The following SHISA9 variants were observed in gnomAD, a reference collection of about 807,000 sequenced individuals.
The protein encoded by SHISA9 is protein shisa-9.
Under a neutral mutation model 38.0 loss-of-function variants are expected in SHISA9, and 13 were observed. The ratio of observed to expected loss-of-function variants is 0.34; its 90% CI spans 0.22 to 0.54. The LOEUF (loss-of-function observed/expected upper bound fraction) is 0.54. Ranked by LOEUF, SHISA9 falls within the 20% of genes least tolerant of loss-of-function variation. The probability of loss-of-function intolerance (pLI) is 0.91; values close to 1 mark genes in which losing one functional copy is unlikely to be tolerated. For missense variants in SHISA9, 538 were observed against 575.8 expected (o/e 0.93, Z 0.67); for synonymous variants, 275 against 242.0 (o/e 1.14, Z -1.27).
At chr16:13,107,338 G>A (rs950116362) in intron 2 of SHISA9, among the ~76,000 whole-genome samples, 5 of 152,192 alleles carry the variant, frequency 3.3e-5, no homozygotes, top group African/African-American at 1.2e-4. Flanking sequence ...GGGAGGCTGA[G>A]GCAGGAGAAT....
intron 1 of SHISA9, among the ~76,000 whole-genome samples, chr16:12,907,962 A>G (rs909079459): frequency 6.6e-6 from 1 of 152,194 alleles, no homozygotes; most frequent in East Asian, 1.9e-4. Flanking sequence ...GTTGCTCTGC[A>G]TAGCGCAGAC....
At chr16:13,288,121 A>G in the SHISA9 span, among the ~76,000 whole-genome samples, 1 of 152,104 alleles carries the variant, frequency 6.6e-6, no homozygotes, top group Non-Finnish European at 1.5e-5. Context: ...GATAATGACA[A>G]TTGAAAATAT....
At chr16:13,531,916 A>C in the SHISA9 span, among the ~76,000 whole-genome samples, 1 of 152,320 alleles carries the variant, frequency 6.6e-6, no homozygotes, top group South Asian at 2.1e-4. Flanking sequence ...CCTTTCTCCC[A>C]TTTACCAGCT....
intron 4 of SHISA9, among the ~76,000 whole-genome samples, chr16:13,226,817 C>T (rs2051284046): frequency 6.6e-6 from 1 of 152,156 alleles, no homozygotes; most frequent in Non-Finnish European, 1.5e-5. Context: ...ATGGGTTTCT[C>T]ATCCTCCAGG....
intron 2 of SHISA9, among the ~76,000 whole-genome samples, chr16:12,962,034 G>A (rs2071918536): frequency 6.6e-6 from 1 of 152,228 alleles, no homozygotes; most frequent in Admixed American, 6.5e-5. Context: ...CAGCATGGAG[G>A]TCTCTGGCAT....
chr16:12,981,184 G>A (rs192213825), intron 2 of SHISA9, among the ~76,000 whole-genome samples: 2 of 152,374 alleles, frequency 1.3e-5, no homozygotes, highest in East Asian at 3.9e-4. Flanking sequence ...GTCAGCCCCA[G>A]TGAGTTCAGG....
the SHISA9 span, among the ~76,000 whole-genome samples, chr16:13,437,864 C>CTT: frequency 1.9e-5 from 2 of 104,490 alleles, no homozygotes; most frequent in Non-Finnish European, 2.0e-5. Flanking sequence ...CTTTTTTTTT[C>CTT]TTTTTTTTTT....
intron 1 of SHISA9, chr16:12,909,034 C>T (rs1217295893): frequency 5.0e-6 from 5 of 998,478 alleles, no homozygotes; most frequent in African/African-American, 1.7e-5. Flanking sequence ...TCCAGTTTCT[C>T]TCCTGCCTCT....
chr16:13,446,926 A>C, the SHISA9 span, among the ~76,000 whole-genome samples: 1 of 151,410 alleles, frequency 6.6e-6, no homozygotes, highest in African/African-American at 2.4e-5. Flanking sequence ...GTTGTGGTGA[A>C]CCGAGATCTT....
At chr16:13,019,843 C>CTTTCTTTCTTT (rs2072810793) in intron 2 of SHISA9, among the ~76,000 whole-genome samples, 1 of 65,968 alleles carries the variant, frequency 1.5e-5, no homozygotes, top group Non-Finnish European at 2.6e-5. Context: ...TTTTTCCTTC[C>CTTTCTTTCTTT]TTCCCTCCCT....
chr16:13,558,610 G>A, the SHISA9 span, among the ~76,000 whole-genome samples: 23 of 152,234 alleles, frequency 1.5e-4, no homozygotes, highest in African/African-American at 5.1e-4. Flanking sequence ...ACAGTAACAC[G>A]TTCCTGAGCA....
intron 2 of SHISA9, among the ~76,000 whole-genome samples, chr16:13,109,519 C>T (rs981200871): frequency 6.6e-6 from 1 of 152,134 alleles, no homozygotes; most frequent in African/African-American, 2.4e-5. Context: ...ACTTAAAAAC[C>T]CCCAACTTTA....
At chr16:12,980,456 C>T (rs2072225499) in intron 2 of SHISA9, among the ~76,000 whole-genome samples, 1 of 152,098 alleles carries the variant, frequency 6.6e-6, no homozygotes. Flanking sequence ...AAAATTCTGA[C>T]ATCAAGATAA....
chr16:13,321,448 A>G, the SHISA9 span, among the ~76,000 whole-genome samples: 1 of 152,198 alleles, frequency 6.6e-6, no homozygotes, highest in African/African-American at 2.4e-5. Context: ...CAGCTTTTGC[A>G]TTCTGCTGTC....
intron 2 of SHISA9, among the ~76,000 whole-genome samples, chr16:13,083,640 C>G (rs1002813435): frequency 6.6e-6 from 1 of 152,158 alleles, no homozygotes; most frequent in African/African-American, 2.4e-5. Flanking sequence ...AGGCGAGGGT[C>G]TGGCCTTCCA....
chr16:13,224,456 A>G (rs2142078010), intron 4 of SHISA9, among the ~76,000 whole-genome samples: 1 of 152,356 alleles, frequency 6.6e-6, no homozygotes, highest in Non-Finnish European at 1.5e-5. Context: ...CTGAATGACC[A>G]GGAGATGTAA....
At chr16:13,413,757 CAAAAAAAAAAAAAAAAAAA>C in the SHISA9 span, among the ~76,000 whole-genome samples, 1 of 52,896 alleles carries the variant, frequency 1.9e-5, no homozygotes, top group African/African-American at 8.2e-5. Context: ...GACTTCATCT[CAAAAAAAAAAAAAAAAAAA>C]AAAAAAAAAG....
intron 2 of SHISA9, among the ~76,000 whole-genome samples, chr16:13,095,598 C>T (rs545838893): frequency 6.6e-6 from 1 of 152,314 alleles, no homozygotes; most frequent in South Asian, 2.1e-4. Flanking sequence ...ACAGTCCAGA[C>T]CATCTTCATT....
At chr16:12,954,518 C>T (rs1216925616) in intron 2 of SHISA9, among the ~76,000 whole-genome samples, 1 of 152,046 alleles carries the variant, frequency 6.6e-6, no homozygotes, top group African/African-American at 2.4e-5. Context: ...CAGGTTATTC[C>T]CTCAGTGCCT....
Sources: allele counts gnomAD v4.1 joint callset (sites outside exome capture counted in the v4.1 genomes callset), GRCh38; gene constraint gnomAD v4.1.1; transcripts MANE v1.5; gene names NCBI Gene and HGNC (gene_info 2026-07-23, HGNC 2026-07-21).